DSE: variants seen among roughly 807,000 people sequenced by gnomAD.
The protein encoded by DSE is dermatan sulfate epimerase.
In DSE, 36 loss-of-function variants were observed where a neutral mutation model predicts 84.4. That is an observed-to-expected ratio of 0.43 (90% confidence interval 0.33 to 0.56). The LOEUF (loss-of-function observed/expected upper bound fraction) is 0.56. Ranked by LOEUF, DSE falls within the 20% of genes least tolerant of loss-of-function variation. The probability of loss-of-function intolerance (pLI) is 0.06; values close to 1 mark genes in which losing one functional copy is unlikely to be tolerated. For synonymous variants in DSE, 410 were observed against 430.1 expected (o/e 0.95, Z 0.58); for missense variants, 862 against 1,169.6 (o/e 0.74, Z 3.84).
intron 2 of DSE, among the ~76,000 whole-genome samples, chr6:116,405,940 T>G (rs1781895506): frequency 6.6e-6 from 1 of 152,240 alleles, no homozygotes; most frequent in Non-Finnish European, 1.5e-5. Context: ...AGGACTCAAC[T>G]AATTTAAACT....
chr6:116,292,854 A>G (rs1774377565), intron 2 of DSE, among the ~76,000 whole-genome samples: 1 of 152,238 alleles, frequency 6.6e-6, no homozygotes, highest in Non-Finnish European at 1.5e-5. Context: ...ACCAATAAGT[A>G]TATGCTAATT....
chr6:116,433,455 G>A lies in DSE; in HGVS notation c.1023G>A (p.Trp341Ter), dbSNP rs1431389019. The A allele has an allele frequency of 6.4e-7, 1 of 1,553,686 alleles. No individual in the cohort carries two copies. The highest frequency in any genetic ancestry group is 1.2e-5 in the South Asian group (1 of 84,148). The change falls in exon 5 of 6, where the codon TGG (tryptophan) becomes TGA (stop). Residue 341 changes from tryptophan to a stop codon, truncating the protein, a stop_gained. Transcript: ENST00000644252. LOFTEE classifies it high-confidence loss of function. ...TCATGCGTAATGGCAGTGGTAACTG[G>A]CTAGCTGACCAAATCAGAAGGAACC... is the stretch of plus-strand genomic sequence containing the variant. ...KFVMRNGSGN[W>*]LADQIRRNRV...
In DSE at chr6:116,436,651, A is replaced by G. The variant is rs61744290; in HGVS notation, c.2183A>G (p.Lys728Arg). The change falls in exon 6 of 6, where the codon AAG (lysine) becomes AGG (arginine). Residue 728 changes from lysine (K) to arginine (R), a missense_variant. Transcript: ENST00000644252. ...KILFDRNSAI[K>R]SSIVPEVKDY... ...CTGTTTGACCGGAATTCAGCCATCAAGAGCAGCATTGTCCCTGAGGTGAAG... is the reference window on the plus strand; with the variant it reads ...CTGTTTGACCGGAATTCAGCCATCAGGAGCAGCATTGTCCCTGAGGTGAAG... 4.3e-6 allele frequency: 7 copies of G among 1,614,092 alleles called. No individual in the cohort carries two copies. The African/African-American group carries it at 6.7e-5, about 15-fold the overall frequency.
chr6:116,281,796 T>A (rs929575535), intron 2 of DSE, among the ~76,000 whole-genome samples: 7 of 152,220 alleles, frequency 4.6e-5, no homozygotes, highest in African/African-American at 1.7e-4. Context: ...TGCAACTTGC[T>A]CCTTGCGGAA....
At chr6:116,319,588 C>G (rs1776183061) in intron 2 of DSE, among the ~76,000 whole-genome samples, 1 of 152,158 alleles carries the variant, frequency 6.6e-6, no homozygotes, top group Non-Finnish European at 1.5e-5. Flanking sequence ...TTGAAAAACC[C>G]TAATGGATGT....
At chr6:116,288,904 C>A (rs1172413996) in intron 2 of DSE, among the ~76,000 whole-genome samples, 1 of 151,960 alleles carries the variant, frequency 6.6e-6, no homozygotes, top group Non-Finnish European at 1.5e-5. Context: ...GAAAAAAACA[C>A]CTTTTGAAAT....
rs1248110918 is a variant in DSE, at chr6:116,326,266, G to A, written c.-54+67299G>A. 4.6e-5 allele frequency among the ~76,000 whole-genome samples: 7 copies of A among 152,000 alleles called. No individual in the cohort carries two copies. In the East Asian group the frequency reaches 7.7e-4, roughly 17 times the overall value. On this transcript the variant is annotated intron_variant, in intron 2 of 3. Transcript: ENST00000430252. ...CCTAGAGGAGCTCAGAGGGGAGGAC[G>A]GCGGGAGTCCTAAGGAGTCATAGCC...
chr6:116,348,035 A>C (rs965497943), intron 2 of DSE, among the ~76,000 whole-genome samples: 1 of 152,240 alleles, frequency 6.6e-6, no homozygotes, highest in Non-Finnish European at 1.5e-5. Context: ...CCCAACGGAC[A>C]CATTAAAAAA....
chr6:116,278,955 C>G, intron 2 of DSE: 1 of 1,614,122 alleles, frequency 6.2e-7, no homozygotes, highest in African/African-American at 1.3e-5. Context: ...GGCCCCTAAT[C>G]ATGGCGGACA....
At chr6:116,256,889 C>G (rs1017277178) in intron 1 of DSE, 5 of 152,016 alleles carry the variant, frequency 3.3e-5, no homozygotes, top group Non-Finnish European at 5.9e-5. Flanking sequence ...GGCAATAAAC[C>G]TTACTAAGCA....
At chr6:116,413,199 T>A (rs1303569757) in intron 2 of DSE, among the ~76,000 whole-genome samples, 1 of 152,230 alleles carries the variant, frequency 6.6e-6, no homozygotes, top group African/African-American at 2.4e-5. Context: ...CATATATAAA[T>A]ATATAAATAA....
rs567988368 is a variant in DSE at position 116,381,306 on chromosome 6, T to C, written c.-54+10185T>C. On this transcript the variant is annotated intron_variant, in intron 1 of 5. Coordinates refer to ENST00000644252, the MANE Select transcript of DSE (RefSeq NM_013352.4). ...GCTCAAGCAATGATGGGCAGGTAAG[T>C]CTGAAGGGGGAGTTTATGTAGAGAG... 2.0e-5 allele frequency among the ~76,000 whole-genome samples: 3 copies of C among 152,124 alleles called. No homozygotes were observed. The South Asian group carries it at 6.2e-4, about 32-fold the overall frequency.
chr6:116,402,960 A>G (rs139485201), intron 2 of DSE, among the ~76,000 whole-genome samples: 62 of 152,338 alleles, frequency 4.1e-4, no homozygotes, highest in African/African-American at 1.4e-3. Context: ...CTATAGATTC[A>G]CTTAAGAATT....
chr6:116,378,565 G>C (rs1249691588), intron 1 of DSE, among the ~76,000 whole-genome samples: 1 of 151,746 alleles, frequency 6.6e-6, no homozygotes, highest in Non-Finnish European at 1.5e-5. Flanking sequence ...TGCTTAATCT[G>C]TTTTCTCCCA....
At chr6:116,293,664 G>C (rs112097054) in intron 2 of DSE, among the ~76,000 whole-genome samples, 30 of 152,192 alleles carry the variant, frequency 2.0e-4, no homozygotes, top group African/African-American at 7.0e-4. Flanking sequence ...CACTTTCGGA[G>C]ACAAAGGCAA....
chr6:116,403,346 C>G (rs1031571900), intron 2 of DSE, among the ~76,000 whole-genome samples: 8 of 151,348 alleles, frequency 5.3e-5, no homozygotes, highest in African/African-American at 1.9e-4. Flanking sequence ...TATATAATGG[C>G]AAAATATTCT....
At chr6:116,328,495 T>A (rs1776756777) in intron 2 of DSE, among the ~76,000 whole-genome samples, 1 of 152,156 alleles carries the variant, frequency 6.6e-6, no homozygotes, top group Non-Finnish European at 1.5e-5. Context: ...AGCCAGGAAA[T>A]ACCTCAAATG....
chr6:116,373,919 T>C (rs1489609236), intron 1 of DSE, among the ~76,000 whole-genome samples: 3 of 152,202 alleles, frequency 2.0e-5, no homozygotes, highest in African/African-American at 7.2e-5. Flanking sequence ...TTTCACTCAA[T>C]AGTATTATTT....
At chr6:116,298,908 C>G (rs1004964676) in intron 2 of DSE, among the ~76,000 whole-genome samples, 1 of 152,138 alleles carries the variant, frequency 6.6e-6, no homozygotes, top group Non-Finnish European at 1.5e-5. Context: ...AATAAAAAAT[C>G]GTTTTGGATA....
Sources: gnomAD v4.1 joint callset for allele counts (sites outside exome capture counted in the v4.1 genomes callset) on GRCh38, gnomAD v4.1.1 for gene constraint, MANE v1.5 for transcripts, NCBI Gene and HGNC (gene_info 2026-07-23, HGNC 2026-07-21) for gene names.